The following F8 variants were observed in gnomAD, a reference collection of about 807,000 sequenced individuals.
F8 encodes the protein coagulation factor VIII.
A neutral mutation model predicts 140.6 loss-of-function variants in F8; 12 were observed. The observed-to-expected ratio is 0.09, with a 90% confidence interval of 0.05 to 0.14. The LOEUF is 0.14. Among genes scored for constraint, F8 ranks in the 10% least tolerant of loss-of-function variants. The pLI, the probability that F8 is intolerant of heterozygous loss-of-function variation, is 1.00. For synonymous variants in F8, 585 were observed against 614.6 expected (o/e 0.95, Z 0.71); for missense variants, 1,354 against 1,720.7 (o/e 0.79, Z 3.77).
At chrX:155,014,042 G>A (rs782642014) in intron 1 of F8, among the ~76,000 whole-genome samples, 3 of 111,295 alleles carry the variant, frequency 2.7e-5, no homozygotes, top group Middle Eastern at 4.6e-3. Context: ...GGGGGGAGGT[G>A]GAGACAATTC....
chrX:154,913,256 TG>T (rs1369586304), intron 14 of F8, among the ~76,000 whole-genome samples: 2 of 111,928 alleles, frequency 1.8e-5, no homozygotes, highest in African/African-American at 3.3e-5. Context: ...AAGAAAGTAT[TG>T]TTTTTTTTTA....
At chrX:154,894,643 C>T (rs782268878) in intron 22 of F8, among the ~76,000 whole-genome samples, 6 of 109,910 alleles carry the variant, frequency 5.5e-5, no homozygotes, top group Admixed American at 9.6e-5. Context: ...CACTTGAGCC[C>T]GGGAGGCAGA....
chrX:154,981,007 A>G (rs1006497091), intron 6 of F8, among the ~76,000 whole-genome samples: 1 of 112,015 alleles, frequency 8.9e-6, no homozygotes, highest in Admixed American at 9.4e-5. Context: ...TCCTTTTAGC[A>G]CGAGAGGGCG....
At chrX:154,927,344 T>C (rs940086598) in intron 14 of F8, among the ~76,000 whole-genome samples, 3 of 111,124 alleles carry the variant, frequency 2.7e-5, no homozygotes, top group Non-Finnish European at 5.7e-5. Flanking sequence ...GAGAGATAAA[T>C]TGATGATGTA....
At chrX:154,926,437 G>A (rs2073160663) in intron 14 of F8, among the ~76,000 whole-genome samples, 1 of 112,009 alleles carries the variant, frequency 8.9e-6, no homozygotes, top group Non-Finnish European at 1.9e-5. Flanking sequence ...GTGCAGTGAG[G>A]CCATCTCAGC....
Position 154,903,888 on chromosome X carries a change from G to T in F8, c.5998+18C>A. On this transcript the variant is annotated intron_variant, in intron 18 of 25. Transcript: ENST00000360256. ...ACAAATAGAGTAGGTAGAAGAAAGA[G>T]CACAAACAAGCTCATACCTGGATAG... is the stretch of plus-strand genomic sequence containing the variant. 8.3e-7 allele frequency: 1 copy of T among 1,198,248 alleles called. No homozygotes were observed. Among genetic ancestry groups the T allele is most frequent in the Non-Finnish European group, 1.1e-6 (1 of 883,491 alleles).
intron 7 of F8, among the ~76,000 whole-genome samples, chrX:154,968,253 T>A (rs1368524049): frequency 9.0e-6 from 1 of 111,488 alleles, no homozygotes; most frequent in Non-Finnish European, 1.9e-5. Flanking sequence ...GTGGATTTGT[T>A]ATCACAGGAG....
chrX:154,974,157 G>A (rs2073473223), intron 6 of F8, among the ~76,000 whole-genome samples: 1 of 112,130 alleles, frequency 8.9e-6, no homozygotes, highest in African/African-American at 3.2e-5. Context: ...CAATTTGGAT[G>A]TCTTGCCTAA....
At chrX:154,887,205 G>GCTT in intron 22 of F8, 3 of 451,014 alleles carry the variant, frequency 6.7e-6, no homozygotes, top group Non-Finnish European at 9.8e-6. Flanking sequence ...TGCTGCTGCT[G>GCTT]CTCCTCCTGC....
intron 13 of F8, among the ~76,000 whole-genome samples, chrX:154,937,668 A>G (rs1489768364): frequency 1.8e-5 from 2 of 111,602 alleles, no homozygotes; most frequent in Non-Finnish European, 3.8e-5. Flanking sequence ...AAAAACTGAT[A>G]CCATAAAAAA....
At chrX:154,946,145 G>T (rs782085997) in intron 13 of F8, among the ~76,000 whole-genome samples, 360 of 111,919 alleles carry the variant, frequency 3.2e-3, no homozygotes, top group Middle Eastern at 9.2e-3. Flanking sequence ...AACTAATATT[G>T]TTAAAATATC....
intron 14 of F8, among the ~76,000 whole-genome samples, chrX:154,926,826 A>T (rs1557278119): frequency 8.9e-6 from 1 of 112,101 alleles, no homozygotes; most frequent in Non-Finnish European, 1.9e-5. Context: ...ATATCTCCAG[A>T]TATTCAACTG....
Position 155,012,713 on chromosome X carries a change from TA to T in F8, c.143+9696del, listed in dbSNP as rs781962638. Among the ~76,000 whole-genome samples, 142 of 103,972 alleles carry T rather than the reference TA, an allele frequency of 1.4e-3. 1 individual carries two copies. In the East Asian group the frequency reaches 0.034, roughly 25 times the overall value. The allele number at this position is 103,972 out of a possible 115,157, so 90.3% of individuals were successfully genotyped here. A position where few individuals can be genotyped will look rare whatever the true frequency, so the allele number is the denominator to read the frequency against. ...AAATAGAATTCACAATTAAGACCCT[TA>T]AAAAAAAAACCAAACCAAAACAAAA... On this transcript the variant is annotated intron_variant, in intron 1 of 25. Coordinates refer to ENST00000360256, the MANE Select transcript of F8 (RefSeq NM_000132.4).
intron 14 of F8, among the ~76,000 whole-genome samples, chrX:154,910,389 G>A (rs1459501044): frequency 9.9e-6 from 1 of 101,356 alleles, no homozygotes; most frequent in Non-Finnish European, 2.0e-5. Context: ...CTTGGACACA[G>A]GAGGGGGAAC....
chrX:154,982,973 C>A (rs1377560294), intron 6 of F8, among the ~76,000 whole-genome samples: 2 of 112,385 alleles, frequency 1.8e-5, no homozygotes, highest in Admixed American at 1.9e-4. Context: ...GGCTTCTGAT[C>A]AACAATAGGT....
chrX:154,848,736 G>A (rs5987046), intron 25 of F8, among the ~76,000 whole-genome samples: 146 of 111,315 alleles, frequency 1.3e-3, no homozygotes, highest in African/African-American at 4.5e-3. Flanking sequence ...TGTGCTTCCC[G>A]GGTGAGGTGA....
chrX:154,979,254 A>C (rs2073504097), intron 6 of F8, among the ~76,000 whole-genome samples: 2 of 111,540 alleles, frequency 1.8e-5, no homozygotes, highest in African/African-American at 3.3e-5. Context: ...CCAGACCCTC[A>C]AGTGGTGCAT....
chrX:154,937,046 C>A (rs953574807), intron 13 of F8, among the ~76,000 whole-genome samples: 1 of 110,842 alleles, frequency 9.0e-6, no homozygotes, highest in Non-Finnish European at 1.9e-5. Flanking sequence ...TATGACTCAT[C>A]AAAATTTGTG....
intron 9 of F8, among the ~76,000 whole-genome samples, chrX:154,962,869 AAG>A (rs782347888): frequency 1.4e-4 from 14 of 100,331 alleles, no homozygotes; most frequent in East Asian, 3.1e-4. Context: ...ACCCTATCTC[AAG>A]AGAGAGAGAG....
Sources: gnomAD v4.1 joint callset for allele counts (sites outside exome capture counted in the v4.1 genomes callset) on GRCh38, gnomAD v4.1.1 for gene constraint, MANE v1.5 for transcripts, NCBI Gene and HGNC (gene_info 2026-07-23, HGNC 2026-07-21) for gene names.